The following IL1RAPL2 variants were observed in gnomAD, a reference collection of about 807,000 sequenced individuals.
IL1RAPL2 encodes X-linked interleukin-1 receptor accessory protein-like 2.
A neutral mutation model predicts 44.1 loss-of-function variants in IL1RAPL2; 3 were observed. The ratio of observed to expected loss-of-function variants is 0.07; its 90% CI spans 0.03 to 0.18. The LOEUF (loss-of-function observed/expected upper bound fraction) is 0.18. Ranked by LOEUF, IL1RAPL2 falls within the 10% of genes least tolerant of loss-of-function variation. The pLI is 1.00. For missense variants in IL1RAPL2, 391 were observed against 496.4 expected, an observed-to-expected ratio of 0.79 and a Z score of 2.02; for synonymous variants, 181 against 178.8, an observed-to-expected ratio of 1.01 and a Z score of -0.10.
intron 3 of IL1RAPL2, among the ~76,000 whole-genome samples, chrX:105,225,076 G>T (rs1231550811): frequency 1.8e-5 from 2 of 111,561 alleles, no homozygotes; most frequent in African/African-American, 6.5e-5. Flanking sequence ...GTCAGATTTT[G>T]AACAAGCTGC....
chrX:105,301,357 T>C (rs1426246139), intron 5 of IL1RAPL2, among the ~76,000 whole-genome samples: 2 of 111,839 alleles, frequency 1.8e-5, no homozygotes, highest in Admixed American at 1.9e-4. Flanking sequence ...AACCACATCA[T>C]GGGAAATTGG....
In IL1RAPL2 at chrX:105,601,984, C is replaced by G. The variant is rs2037255382; in HGVS notation, c.773-115383C>G. Among the ~76,000 whole-genome samples the G allele has an allele frequency of 2.7e-5, 3 of 111,295 alleles. No homozygotes were observed. The Admixed American group carries it at 2.8e-4, about 11-fold the overall frequency. ...CCAAGGGAGCCCATGTGTGCACTCC[C>G]TAGAAGCTGAGGGCTTGCCTGCCAG... On this transcript the variant is annotated intron_variant, in intron 6 of 10. Coordinates refer to ENST00000372582, the MANE Select transcript of IL1RAPL2 (RefSeq NM_017416.2).
chrX:105,446,167 T>A (rs1313463967), intron 5 of IL1RAPL2, among the ~76,000 whole-genome samples: 1 of 111,777 alleles, frequency 8.9e-6, no homozygotes, highest in East Asian at 2.8e-4. Flanking sequence ...CTTCTTACAC[T>A]TTTTGTGTTA....
chrX:105,361,352 G>A (rs1432998620), intron 5 of IL1RAPL2, among the ~76,000 whole-genome samples: 1 of 110,867 alleles, frequency 9.0e-6, no homozygotes, highest in Non-Finnish European at 1.9e-5. Flanking sequence ...GAATAGGCCT[G>A]GAAGTGTTTT....
At chrX:105,444,895 T>G (rs1459768328) in intron 5 of IL1RAPL2, among the ~76,000 whole-genome samples, 2 of 111,837 alleles carry the variant, frequency 1.8e-5, no homozygotes, top group East Asian at 2.8e-4. Flanking sequence ...GGTGTCACAG[T>G]AAAACTAACC....
chrX:105,132,162 G>GAA (rs764917479), intron 2 of IL1RAPL2, among the ~76,000 whole-genome samples: 10 of 90,401 alleles, frequency 1.1e-4, no homozygotes, highest in African/African-American at 3.9e-4. Context: ...AAAGAATCAA[G>GAA]AAAAAAAAAA....
intron 5 of IL1RAPL2, among the ~76,000 whole-genome samples, chrX:105,324,677 G>A (rs1336398348): frequency 1.8e-5 from 2 of 111,904 alleles, no homozygotes; most frequent in Non-Finnish European, 3.8e-5. Context: ...AAAGACCAAG[G>A]CTCACAAAGC....
At chrX:104,919,255 C>T (rs1444215912) in intron 2 of IL1RAPL2, among the ~76,000 whole-genome samples, 9 of 103,760 alleles carry the variant, frequency 8.7e-5, no homozygotes, top group African/African-American at 1.4e-4. Context: ...GATGGTGTTT[C>T]GCTGTTGTCG....
chrX:104,797,854 T>C (rs1190870447), intron 2 of IL1RAPL2, among the ~76,000 whole-genome samples: 1 of 112,427 alleles, frequency 8.9e-6, no homozygotes, highest in East Asian at 2.8e-4. Context: ...AACAACATCT[T>C]CATTATGAGA....
At chrX:104,567,567 C>A (rs5962434) in intron 1 of IL1RAPL2, among the ~76,000 whole-genome samples, 48,778 of 111,027 alleles carry the variant, frequency 0.44, 8,491 homozygotes, top group Middle Eastern at 0.63. Flanking sequence ...CTGGGGCCAT[C>A]TCTGTGCTCC....
At chrX:105,255,230 G>A (rs1311723839) in intron 4 of IL1RAPL2, among the ~76,000 whole-genome samples, 1 of 111,205 alleles carries the variant, frequency 9.0e-6, no homozygotes, top group African/African-American at 3.3e-5. Flanking sequence ...GGAGTGTTTT[G>A]TAATTCTTAT....
At chrX:105,256,920 G>GT (rs1283644738) in intron 4 of IL1RAPL2, among the ~76,000 whole-genome samples, 1 of 111,200 alleles carries the variant, frequency 9.0e-6, no homozygotes, top group African/African-American at 3.3e-5. Flanking sequence ...CTTTTGAATG[G>GT]TTTTTTGTGT....
intron 2 of IL1RAPL2, among the ~76,000 whole-genome samples, chrX:104,883,162 G>T (rs990620382): frequency 9.0e-6 from 1 of 111,657 alleles, no homozygotes; most frequent in East Asian, 2.8e-4. Context: ...ACCACAAAGG[G>T]ACTATCACCT....
At chrX:105,363,303 TATATA>T (rs1432484973) in intron 5 of IL1RAPL2, among the ~76,000 whole-genome samples, 1,287 of 78,473 alleles carry the variant, frequency 0.016, 62 homozygotes, top group African/African-American at 0.11. Context: ...TATATATATA[TATATA>T]ATATATATAT....
At chrX:104,868,551 A>G (rs974922162) in intron 2 of IL1RAPL2, among the ~76,000 whole-genome samples, 3 of 112,386 alleles carry the variant, frequency 2.7e-5, no homozygotes, top group African/African-American at 6.5e-5. Context: ...CTTGTCCCCA[A>G]TGGGGCGTCT....
intron 2 of IL1RAPL2, among the ~76,000 whole-genome samples, chrX:105,152,887 A>C (rs1411566363): frequency 3.6e-5 from 4 of 112,480 alleles, no homozygotes; most frequent in African/African-American, 1.3e-4. Context: ...TCCTTGCCAG[A>C]TACTGGCCCC....
chrX:104,934,459 A>G (rs760872052), intron 2 of IL1RAPL2, among the ~76,000 whole-genome samples: 48 of 111,720 alleles, frequency 4.3e-4, no homozygotes, highest in Middle Eastern at 4.6e-3. Context: ...GAGGCTGCAG[A>G]GAACAGAATT....
chrX:104,586,509 A>G lies in IL1RAPL2; in HGVS notation c.-20+19458A>G, dbSNP rs1928567307. ...CAATATTTTGAGAGATGTTGCTTAAATTCATCTAAATTCACTTTGTCTATG... is the reference window on the plus strand; with the variant it reads ...CAATATTTTGAGAGATGTTGCTTAAGTTCATCTAAATTCACTTTGTCTATG... On this transcript the variant is annotated intron_variant, in intron 1 of 10. Coordinates refer to ENST00000372582, the MANE Select transcript of IL1RAPL2 (RefSeq NM_017416.2). 2.7e-5 allele frequency among the ~76,000 whole-genome samples: 3 copies of G among 111,483 alleles called. No individual in the cohort carries two copies. The South Asian group carries it at 1.1e-3, about 42-fold the overall frequency.
intron 6 of IL1RAPL2, among the ~76,000 whole-genome samples, chrX:105,657,108 G>A (rs1427780346): frequency 1.8e-5 from 2 of 111,306 alleles, no homozygotes; most frequent in African/African-American, 3.3e-5. Context: ...ACATACACAC[G>A]CATGAACACA....
Sources: allele counts gnomAD v4.1 joint callset (sites outside exome capture counted in the v4.1 genomes callset), GRCh38; gene constraint gnomAD v4.1.1; transcripts MANE v1.5; gene names NCBI Gene and HGNC (gene_info 2026-07-23, HGNC 2026-07-21).